MYOCD: variants seen among roughly 807,000 people sequenced by gnomAD.
MYOCD encodes myocardin.
MYOCD carries 32 observed loss-of-function variants against 96.1 expected under a neutral mutation model. The ratio of observed to expected loss-of-function variants is 0.33; its 90% CI spans 0.25 to 0.45. The LOEUF is 0.45. MYOCD is among the 20% of genes least tolerant of loss of function. The probability of loss-of-function intolerance (pLI) is 1.00; values close to 1 mark genes in which losing one functional copy is unlikely to be tolerated. For missense variants in MYOCD, 1,133 were observed against 1,200.6 expected, an observed-to-expected ratio of 0.94 and a Z score of 0.83; for synonymous variants, 469 against 469.0, an observed-to-expected ratio of 1.00 and a Z score of 0.00.
chr17:12,697,359 A>T (rs911582333), intron 1 of MYOCD, among the ~76,000 whole-genome samples: 1,154 of 75,842 alleles, frequency 0.015, 33 homozygotes, highest in Non-Finnish European at 0.021. Flanking sequence ...ATATATATAT[A>T]TTTTTTTTTT....
chr17:12,711,406 T>G (rs187095171), intron 2 of MYOCD, among the ~76,000 whole-genome samples: 102 of 152,336 alleles, frequency 6.7e-4, no homozygotes, highest in African/African-American at 2.3e-3. Context: ...ATTCTACCCA[T>G]CACTGCCATA....
intron 1 of MYOCD, among the ~76,000 whole-genome samples, chr17:12,678,347 A>G (rs544889378): frequency 6.6e-6 from 1 of 152,010 alleles, no homozygotes; most frequent in South Asian, 2.1e-4. Flanking sequence ...TAATAATTAA[A>G]CTTATTCTCC....
At chr17:12,704,811 G>A (rs1031866036) in intron 1 of MYOCD, 4 of 220,150 alleles carry the variant, frequency 1.8e-5, no homozygotes, top group South Asian at 8.3e-5. Context: ...CCAACCAAGT[G>A]GAATTAGATG....
intron 2 of MYOCD, among the ~76,000 whole-genome samples, chr17:12,712,179 C>A (rs990187091): frequency 1.3e-5 from 2 of 152,086 alleles, no homozygotes; most frequent in African/African-American, 4.8e-5. Context: ...GAATTTCTAA[C>A]GTGTTCCCAA....
chr17:12,747,679 G>A (rs1306488432), intron 9 of MYOCD, among the ~76,000 whole-genome samples: 1 of 152,136 alleles, frequency 6.6e-6, no homozygotes, highest in East Asian at 1.9e-4. Flanking sequence ...GGAGAAATAA[G>A]AGGAATGGAT....
intron 1 of MYOCD, among the ~76,000 whole-genome samples, chr17:12,682,610 A>C (rs1910543045): frequency 6.6e-6 from 1 of 152,226 alleles, no homozygotes; most frequent in Non-Finnish European, 1.5e-5. Flanking sequence ...GCTCTGTTGT[A>C]TCCAGGGTTT....
At chr17:12,734,092 T>C (rs1187894350) in intron 5 of MYOCD, among the ~76,000 whole-genome samples, 1 of 135,104 alleles carries the variant, frequency 7.4e-6, no homozygotes, top group African/African-American at 2.8e-5. Context: ...TCTCTTAACA[T>C]TTCCACCCAT....
chr17:12,717,310 T>TA, intron 3 of MYOCD, 36 bp from the exon 4 acceptor site: 1 of 1,537,184 alleles, frequency 6.5e-7, no homozygotes, highest in African/African-American at 1.4e-5. Context: ...TTTTAAAAGG[T>TA]AAAACTAGGT....
At chr17:12,748,638 G>A (rs953622332) in intron 9 of MYOCD, among the ~76,000 whole-genome samples, 3 of 152,042 alleles carry the variant, frequency 2.0e-5, no homozygotes, top group Non-Finnish European at 4.4e-5. Context: ...GAAGTTTAAG[G>A]TAAATTAAAC....
chr17:12,706,956 A>G (rs907206048), intron 2 of MYOCD, among the ~76,000 whole-genome samples: 1 of 152,212 alleles, frequency 6.6e-6, no homozygotes, highest in African/African-American at 2.4e-5. Flanking sequence ...GTTTTCCCCA[A>G]TCTGCAGCTA....
chr17:12,711,542 G>A (rs896280896), intron 2 of MYOCD, among the ~76,000 whole-genome samples: 2 of 152,066 alleles, frequency 1.3e-5, no homozygotes, highest in East Asian at 1.9e-4. Flanking sequence ...CTAATTAATG[G>A]TATATAAATT....
At chr17:12,679,888 C>T (rs1049596965) in intron 1 of MYOCD, among the ~76,000 whole-genome samples, 1 of 152,106 alleles carries the variant, frequency 6.6e-6, no homozygotes, top group African/African-American at 2.4e-5. Flanking sequence ...GTATATGAAT[C>T]AGAAGAAAAA....
chr17:12,726,428 C>G (rs1567588317), intron 5 of MYOCD, among the ~76,000 whole-genome samples: 1 of 152,170 alleles, frequency 6.6e-6, no homozygotes, highest in Non-Finnish European at 1.5e-5. Flanking sequence ...TTGTCATTCT[C>G]TGAATGTATC....
chr17:12,717,497 T>C (rs1364710259), intron 4 of MYOCD, 76 bp downstream of exon 4: 17 of 1,189,682 alleles, frequency 1.4e-5, no homozygotes, highest in Non-Finnish European at 2.1e-5. Context: ...CTTGTCTCTG[T>C]ACAGTTGCTA....
chr17:12,749,729 A>G (rs191118872), intron 9 of MYOCD, among the ~76,000 whole-genome samples: 131 of 140,790 alleles, frequency 9.3e-4, no homozygotes, highest in East Asian at 9.8e-4. Context: ...GTGTGTGTGT[A>G]TATATATATA....
chr17:12,752,318 T>C lies in MYOCD; in HGVS notation c.1126-96T>C, dbSNP rs947059299. 3.1e-5 allele frequency: 34 copies of C among 1,081,112 alleles called. No individual in the cohort carries two copies. The African/African-American group carries it at 5.4e-4, about 17-fold the overall frequency. The allele number at this position is 1,081,112 out of a possible 1,614,324, so 67.0% of individuals were successfully genotyped here. On this transcript the variant is annotated intron_variant, in intron 9 of 13. Coordinates refer to ENST00000425538, the MANE Select transcript of MYOCD (RefSeq NM_001146312.3). ...TAAAAAAGAGGTGGGTATTGTAGAA[T>C]TCCATTTGTGATGTTTTGAAGCTAA...
intron 12 of MYOCD, 125 bp from the exon 13 acceptor site, chr17:12,760,525 A>T: frequency 1.4e-6 from 1 of 740,506 alleles, no homozygotes; most frequent in Non-Finnish European, 2.4e-6. Context: ...GTATTTTGCC[A>T]CAATTGGAAA....
intron 2 of MYOCD, among the ~76,000 whole-genome samples, chr17:12,707,979 A>G (rs1203878613): frequency 6.6e-6 from 1 of 152,132 alleles, no homozygotes; most frequent in African/African-American, 2.4e-5. Context: ...GTATACATAT[A>G]TACATATATA....
chr17:12,688,572 ATCTCCG>A (rs1431885776), intron 1 of MYOCD, among the ~76,000 whole-genome samples: 107 of 88,126 alleles, frequency 1.2e-3, no homozygotes, highest in African/African-American at 4.6e-3. Flanking sequence ...CCTTCCTTCC[ATCTCCG>A]TCCCTCCTTC....
Sources: allele counts gnomAD v4.1 joint callset (sites outside exome capture counted in the v4.1 genomes callset), GRCh38; gene constraint gnomAD v4.1.1; transcripts MANE v1.5; gene names NCBI Gene and HGNC (gene_info 2026-07-23, HGNC 2026-07-21).